IMMP2L: variants seen among roughly 807,000 people sequenced by gnomAD.
The protein encoded by IMMP2L is mitochondrial inner membrane protease subunit 2.
Under a neutral mutation model 19.3 loss-of-function variants are expected in IMMP2L, and 18 were observed. That is an observed-to-expected ratio of 0.93 (90% CI 0.64 to 1.38). The LOEUF is 1.38. Ranked by LOEUF, IMMP2L falls within the 40% of genes most tolerant of loss-of-function variation. The pLI is 0.00. For missense variants in IMMP2L, 233 were observed against 218.2 expected (o/e 1.07, Z -0.43); for synonymous variants, 76 against 73.0 (o/e 1.04, Z -0.21).
intron 5 of IMMP2L, among the ~76,000 whole-genome samples, chr7:110,854,985 T>C (rs529065471): frequency 1.3e-5 from 2 of 152,100 alleles, no homozygotes; most frequent in African/African-American, 4.8e-5. Context: ...CCCAAACCCA[T>C]GTTAACAATT....
intron 4 of IMMP2L, among the ~76,000 whole-genome samples, chr7:110,954,440 C>T (rs1005917650): frequency 6.6e-6 from 1 of 152,014 alleles, no homozygotes; most frequent in African/African-American, 2.4e-5. Context: ...GTGTTTAACA[C>T]ACAGGAAATA....
intron 3 of IMMP2L, among the ~76,000 whole-genome samples, chr7:111,442,475 C>T (rs1222613221): frequency 2.0e-5 from 3 of 151,620 alleles, no homozygotes; most frequent in African/African-American, 7.3e-5. Flanking sequence ...CTTTCATGAC[C>T]CTTTGCTCCC....
intron 4 of IMMP2L, among the ~76,000 whole-genome samples, chr7:110,957,625 T>C (rs1818488887): frequency 6.6e-6 from 1 of 151,998 alleles, no homozygotes; most frequent in South Asian, 2.1e-4. Flanking sequence ...CTAATCTTAC[T>C]TCAGTTTCCC....
Position 111,335,004 on chromosome 7 carries a change from T to G in IMMP2L, c.239+152234A>C, listed in dbSNP as rs1399503807. 2.0e-5 allele frequency among the ~76,000 whole-genome samples: 3 copies of G among 152,012 alleles called. No individual in the cohort carries two copies. The East Asian group carries it at 5.8e-4, about 29-fold the overall frequency. On this transcript the variant is annotated intron_variant, in intron 3 of 5. Transcript: ENST00000405709. ...CCACAGAGAGCTCTAACAAGAAGCT[T>G]TCATTGGTCTTTGAATCTGTAGCAG...
intron 5 of IMMP2L, among the ~76,000 whole-genome samples, chr7:110,881,524 CAAG>C (rs1409003358): frequency 2.6e-5 from 4 of 152,018 alleles, no homozygotes; most frequent in Non-Finnish European, 5.9e-5. Context: ...CTACAAGCAA[CAAG>C]AAAATATAAC....
intron 3 of IMMP2L, among the ~76,000 whole-genome samples, chr7:111,311,561 G>C (rs1415380599): frequency 6.6e-6 from 1 of 152,028 alleles, no homozygotes; most frequent in East Asian, 1.9e-4. Context: ...AAGATTTTTG[G>C]TATGTATTTG....
At chr7:111,191,526 T>C (rs890761716) in intron 3 of IMMP2L, among the ~76,000 whole-genome samples, 9 of 151,902 alleles carry the variant, frequency 5.9e-5, no homozygotes, top group Non-Finnish European at 1.2e-4. Context: ...GGAATGACTT[T>C]TAATGTACTC....
chr7:111,555,258 T>A (rs1039158918), intron 1 of IMMP2L, among the ~76,000 whole-genome samples: 8 of 152,174 alleles, frequency 5.3e-5, no homozygotes, highest in African/African-American at 1.4e-4. Flanking sequence ...ATGGAGTTTT[T>A]ACGCACAACT....
chr7:110,694,775 G>C (rs902677634), intron 5 of IMMP2L, among the ~76,000 whole-genome samples: 1 of 152,154 alleles, frequency 6.6e-6, no homozygotes, highest in Non-Finnish European at 1.5e-5. Context: ...ACTTGAACCT[G>C]CATGTTCATA....
chr7:111,434,498 G>A (rs1836943923), intron 3 of IMMP2L, among the ~76,000 whole-genome samples: 1 of 150,882 alleles, frequency 6.6e-6, no homozygotes, highest in African/African-American at 2.4e-5. Flanking sequence ...CAAAGGACAT[G>A]AACAGTCATT....
At chr7:111,400,285 G>C (rs915679272) in intron 3 of IMMP2L, among the ~76,000 whole-genome samples, 1 of 152,110 alleles carries the variant, frequency 6.6e-6, no homozygotes, top group Non-Finnish European at 1.5e-5. Flanking sequence ...TTTCAGGCCT[G>C]CCAGTGACTA....
At chr7:110,820,796 G>A (rs377310687) in intron 5 of IMMP2L, among the ~76,000 whole-genome samples, 100 of 152,134 alleles carry the variant, frequency 6.6e-4, no homozygotes, top group Admixed American at 2.2e-3. Flanking sequence ...GAAGTACACC[G>A]AACTAAGAAG....
intron 3 of IMMP2L, among the ~76,000 whole-genome samples, chr7:111,263,291 C>A (rs975984009): frequency 6.6e-6 from 1 of 152,030 alleles, no homozygotes; most frequent in Admixed American, 6.6e-5. Flanking sequence ...TGAGAAGTAC[C>A]TGTATTCTGC....
intron 2 of IMMP2L, among the ~76,000 whole-genome samples, chr7:111,505,469 G>A (rs1390009970): frequency 4.0e-5 from 6 of 151,172 alleles, no homozygotes; most frequent in Non-Finnish European, 5.9e-5. Flanking sequence ...CCATCCCATT[G>A]CTGGGTATAT....
At chr7:110,993,287 A>G (rs1259035681) in intron 3 of IMMP2L, among the ~76,000 whole-genome samples, 1 of 152,154 alleles carries the variant, frequency 6.6e-6, no homozygotes, top group Non-Finnish European at 1.5e-5. Context: ...CTGCCCTCTT[A>G]GTACATAAGT....
Position 110,907,269 on chromosome 7 carries a change from T to C in IMMP2L, c.306-20574A>G, listed in dbSNP as rs77042337. The stretch of plus-strand genomic sequence containing the variant: ...GGTCAGACGAATAAACTGAATTTGG[T>C]AAATTTAGGAGCTCTCAGTGTAAAG... On this transcript the variant is annotated intron_variant, in intron 4 of 5. Coordinates refer to ENST00000405709, the MANE Select transcript of IMMP2L (RefSeq NM_032549.4). Among the ~76,000 whole-genome samples, 1,327 of 152,052 alleles carry C rather than the reference T, an allele frequency of 8.7e-3. 52 individuals carry two copies. In the East Asian group the frequency reaches 0.13, roughly 15 times the overall value.
At chr7:111,383,244 T>A (rs1831383141) in intron 3 of IMMP2L, among the ~76,000 whole-genome samples, 1 of 152,136 alleles carries the variant, frequency 6.6e-6, no homozygotes, top group African/African-American at 2.4e-5. Context: ...GTTATCATAC[T>A]TTGCCACAGT....
intron 1 of IMMP2L, among the ~76,000 whole-genome samples, chr7:111,523,454 CT>C (rs1846542832): frequency 6.6e-6 from 1 of 152,036 alleles, no homozygotes. Flanking sequence ...CACTAATTCC[CT>C]CCCAAATCTT....
intron 4 of IMMP2L, among the ~76,000 whole-genome samples, chr7:110,915,361 A>C (rs1043800551): frequency 6.6e-6 from 1 of 152,018 alleles, no homozygotes; most frequent in African/African-American, 2.4e-5. Context: ...TAAGCCTGAC[A>C]CAGAAAGACA....
Sources: allele counts gnomAD v4.1 joint callset (sites outside exome capture counted in the v4.1 genomes callset), GRCh38; gene constraint gnomAD v4.1.1; transcripts MANE v1.5; gene names NCBI Gene and HGNC (gene_info 2026-07-23, HGNC 2026-07-21).